The following ITGA11 variants were observed in gnomAD, a reference collection of about 807,000 sequenced individuals.
ITGA11 encodes the protein integrin subunit alpha 11.
A neutral mutation model predicts 141.9 loss-of-function variants in ITGA11; 97 were observed. The ratio of observed to expected loss-of-function variants is 0.68; its 90% CI spans 0.58 to 0.81. ITGA11 has a LOEUF of 0.81. ITGA11 is among the 30% of genes least tolerant of loss of function. The pLI is 0.00. For missense variants in ITGA11, 1,387 were observed against 1,559.2 expected (o/e 0.89, Z 1.86); for synonymous variants, 658 against 624.6 (o/e 1.05, Z -0.80).
intron 2 of ITGA11, among the ~76,000 whole-genome samples, chr15:68,370,520 T>G (rs775639501): frequency 6.6e-5 from 10 of 152,210 alleles, no homozygotes; most frequent in South Asian, 2.1e-4. Context: ...ACCTGCCCAC[T>G]GGGTCTGTGG....
At chr15:68,421,279 T>G (rs142331894) in intron 1 of ITGA11, among the ~76,000 whole-genome samples, 1 of 152,124 alleles carries the variant, frequency 6.6e-6, no homozygotes, top group East Asian at 1.9e-4. Context: ...AAACAGCAAG[T>G]GCAAAGTCCA....
chr15:68,371,628 G>A (rs1895593538), intron 2 of ITGA11, among the ~76,000 whole-genome samples: 2 of 152,122 alleles, frequency 1.3e-5, no homozygotes, highest in African/African-American at 4.8e-5. Context: ...TGAGGCAGGA[G>A]AATTACTTGA....
At chr15:68,376,101 G>A (rs1895720391) in intron 2 of ITGA11, among the ~76,000 whole-genome samples, 1 of 152,200 alleles carries the variant, frequency 6.6e-6, no homozygotes, top group African/African-American at 2.4e-5. Context: ...AGCATGAGGA[G>A]TGTTTATATG....
intron 2 of ITGA11, among the ~76,000 whole-genome samples, chr15:68,388,243 C>T (rs1896032095): frequency 6.6e-6 from 1 of 152,196 alleles, no homozygotes; most frequent in Non-Finnish European, 1.5e-5. Flanking sequence ...ACTCCAGCCA[C>T]ACTTGCTGTT....
intron 10 of ITGA11, among the ~76,000 whole-genome samples, chr15:68,343,018 TCTCTCTCTCTC>T (rs1567136965): frequency 2.7e-5 from 4 of 149,840 alleles, no homozygotes; most frequent in South Asian, 4.4e-4. Flanking sequence ...TCTCTCTCTC[TCTCTCTCTCTC>T]TCTCTCTCTC....
At chr15:68,412,630 T>C (rs1055772791) in intron 1 of ITGA11, among the ~76,000 whole-genome samples, 2 of 151,114 alleles carry the variant, frequency 1.3e-5, no homozygotes, top group Non-Finnish European at 2.9e-5. Context: ...AAAGGTGGTG[T>C]GTAGCAAATA....
chr15:68,389,789 G>GCTTCT, intron 2 of ITGA11, among the ~76,000 whole-genome samples: 1 of 152,282 alleles, frequency 6.6e-6, no homozygotes, highest in Admixed American at 6.5e-5. Flanking sequence ...GAGAGCTGAG[G>GCTTCT]CTTCTCTTCT....
intron 1 of ITGA11, among the ~76,000 whole-genome samples, chr15:68,429,937 A>ACAC (rs963108627): frequency 3.3e-5 from 5 of 152,064 alleles, no homozygotes; most frequent in Admixed American, 6.6e-5. Context: ...TCTTGTTTGA[A>ACAC]CACCCAGCCC....
In ITGA11 at chr15:68,416,515, A is replaced by T. The variant is rs906173569; in HGVS notation, c.53-13486T>A. 2.0e-5 allele frequency among the ~76,000 whole-genome samples: 3 copies of T among 152,344 alleles called. No homozygotes were observed. In the East Asian group the frequency reaches 5.8e-4, roughly 29 times the overall value. ...TGTCAAGCTCAAGGAAAACAGGCCTAAAACTTTAAAGCAGCAAACAGCACA... is the reference window on the plus strand; with the variant it reads ...TGTCAAGCTCAAGGAAAACAGGCCTTAAACTTTAAAGCAGCAAACAGCACA... On this transcript the variant is annotated intron_variant, in intron 1 of 29. Coordinates refer to ENST00000315757, the MANE Select transcript of ITGA11 (RefSeq NM_001004439.2).
At chr15:68,399,251 C>T (rs187761511) in intron 2 of ITGA11, among the ~76,000 whole-genome samples, 41 of 152,160 alleles carry the variant, frequency 2.7e-4, no homozygotes, top group African/African-American at 8.4e-4. Context: ...CAGAGAAATG[C>T]AAATGAAAGC....
rs1261662894 is a variant in ITGA11 at position 68,358,391 on chromosome 15, A to G, written c.600+67T>C. ...GCATGCAAAGATCTCTCTTAGACCT[A>G]AGGCAGCACCTGCCATGGGTTTGGG... On this transcript the variant is annotated intron_variant, in intron 6 of 29. Coordinates refer to ENST00000315757, the MANE Select transcript of ITGA11 (RefSeq NM_001004439.2). 5 of 1,511,502 alleles carry G rather than the reference A, an allele frequency of 3.3e-6. No homozygotes were observed. The East Asian group carries it at 9.4e-5, about 29-fold the overall frequency. The allele number at this position is 1,511,502 out of a possible 1,614,324, so 93.6% of individuals were successfully genotyped here.
intron 5 of ITGA11, among the ~76,000 whole-genome samples, chr15:68,360,381 C>A (rs1471504060): frequency 6.6e-6 from 1 of 152,128 alleles, no homozygotes; most frequent in Non-Finnish European, 1.5e-5. Context: ...TACAATTTCA[C>A]ATTTTTCTTT....
chr15:68,427,229 A>G (rs1486644708), intron 1 of ITGA11, among the ~76,000 whole-genome samples: 1 of 152,200 alleles, frequency 6.6e-6, no homozygotes, highest in African/African-American at 2.4e-5. Flanking sequence ...GACATCAATC[A>G]AATATTAAAT....
chr15:68,418,057 T>C (rs182612074), intron 1 of ITGA11, among the ~76,000 whole-genome samples: 2 of 152,340 alleles, frequency 1.3e-5, no homozygotes, highest in East Asian at 3.9e-4. Context: ...TCCCATTCAG[T>C]GATGTCATGT....
intron 21 of ITGA11, among the ~76,000 whole-genome samples, 165 bp downstream of exon 21, chr15:68,317,100 T>C (rs1893606458): frequency 6.6e-6 from 1 of 152,148 alleles, no homozygotes; most frequent in Non-Finnish European, 1.5e-5. Flanking sequence ...ATTTGGTCAC[T>C]TGAATGTAAT....
chr15:68,380,309 G>C lies in ITGA11; in HGVS notation c.165-11025C>G, dbSNP rs544597369. On this transcript the variant is annotated intron_variant, in intron 2 of 29. Coordinates refer to ENST00000315757, the MANE Select transcript of ITGA11 (RefSeq NM_001004439.2). ...CATGGCTATCTCTAACCTATCCCCAGATGGGCTAAGTGACCCACGGTGAGT... is the reference window on the plus strand; with the variant it reads ...CATGGCTATCTCTAACCTATCCCCACATGGGCTAAGTGACCCACGGTGAGT... 5.3e-3 allele frequency among the ~76,000 whole-genome samples: 803 copies of C among 152,316 alleles called. 12 individuals are homozygous for C. Among genetic ancestry groups the C allele is most frequent in the African/African-American group, 0.018 (760 of 41,568 alleles).
In ITGA11 at chr15:68,307,059, G is replaced by A. The variant is rs1471473165; in HGVS notation, c.3381+289C>T. 6.6e-6 allele frequency among the ~76,000 whole-genome samples: 1 copy of A among 152,172 alleles called. No homozygotes were observed. The highest frequency in any genetic ancestry group is 1.5e-5 in the Non-Finnish European group (1 of 68,036). On this transcript the variant is annotated intron_variant, in intron 28 of 29. Coordinates refer to ENST00000315757, the MANE Select transcript of ITGA11 (RefSeq NM_001004439.2). This position sits in a 1 kb window ranked among gnomAD's most constrained non-coding sequence, Gnocchi z 6.1. ...AAGCCAGTGTAATCTGTAACAATCT[G>A]CTTTTACGCAACTAACAGAGGCTGA...
rs1595847062 is a variant in ITGA11, at chr15:68,303,884, A to G, written c.3383T>C (p.Ile1128Thr). 3.1e-6 allele frequency: 5 copies of G among 1,602,680 alleles called. No homozygotes were observed. Among genetic ancestry groups the G allele is most frequent in the Middle Eastern group, 1.7e-4 (1 of 6,044 alleles). The stretch of plus-strand genomic sequence containing the variant: ...CTCTTGCTTGGAGATCTCAAACACG[A>G]TCTGCAAGGGGAGGGGGGCCGGGCC... Reference protein sequence around the residue: ...IFREEDPSRQIVFEISKQEDW... With the variant: ...IFREEDPSRQTVFEISKQEDW... The change falls in exon 29 of 30, where the codon ATC (isoleucine) becomes ACC (threonine). Residue 1128 changes from isoleucine to threonine, a missense_variant and splice_region_variant. Ile to Thr is a moderately conservative substitution (Grantham distance 89). Coordinates refer to ENST00000315757, the MANE Select transcript of ITGA11 (RefSeq NM_001004439.2). This position sits in a 1 kb window ranked among gnomAD's most constrained non-coding sequence, Gnocchi z 5.3.
At chr15:68,312,665 T>A (rs979958130) in intron 24 of ITGA11, 108 bp downstream of exon 24, 2 of 782,548 alleles carry the variant, frequency 2.6e-6, no homozygotes, top group Non-Finnish European at 4.2e-6. Flanking sequence ...GGTGGCAGGG[T>A]TGAGGCTGGA....
Sources: gnomAD v4.1 joint callset for allele counts (sites outside exome capture counted in the v4.1 genomes callset) on GRCh38, gnomAD v4.1.1 for gene constraint, Gnocchi (gnomAD v3.1) non-coding constraint, MANE v1.5 for transcripts, NCBI Gene and HGNC (gene_info 2026-07-23, HGNC 2026-07-21) for gene names.